PIBF1: variants seen among roughly 807,000 people sequenced by gnomAD.
PIBF1 encodes the protein progesterone immunomodulatory binding factor 1.
A neutral mutation model predicts 112.5 loss-of-function variants in PIBF1; 90 were observed. The observed-to-expected ratio is 0.80, with a 90% CI of 0.67 to 0.95. The LOEUF (loss-of-function observed/expected upper bound fraction) is 0.95. PIBF1 is among the 40% of genes least tolerant of loss of function. The probability of loss-of-function intolerance (pLI) is 0.00; values close to 1 mark genes in which losing one functional copy is unlikely to be tolerated. For synonymous variants in PIBF1, 301 were observed against 288.6 expected (o/e 1.04, Z -0.44); for missense variants, 915 against 852.3 (o/e 1.07, Z -0.92).
At chr13:72,822,562 A>G (rs910164602) in intron 6 of PIBF1, among the ~76,000 whole-genome samples, 3 of 152,210 alleles carry the variant, frequency 2.0e-5, no homozygotes, top group Non-Finnish European at 2.9e-5. Context: ...TAACTGCACT[A>G]TATAAACTAA....
At chr13:72,858,393 A>C (rs929672758) in intron 10 of PIBF1, among the ~76,000 whole-genome samples, 2 of 152,136 alleles carry the variant, frequency 1.3e-5, no homozygotes, top group African/African-American at 4.8e-5. Context: ...CTAGTACGTT[A>C]TCCTGCAGGT....
At chr13:72,996,854 A>C (rs1206229324) in intron 16 of PIBF1, among the ~76,000 whole-genome samples, 1 of 152,182 alleles carries the variant, frequency 6.6e-6, no homozygotes, top group Non-Finnish European at 1.5e-5. Flanking sequence ...AACATAATAA[A>C]ATTGAAAATG....
At chr13:72,955,804 G>T (rs2042429395) in intron 14 of PIBF1, among the ~76,000 whole-genome samples, 1 of 151,778 alleles carries the variant, frequency 6.6e-6, no homozygotes, top group Non-Finnish European at 1.5e-5. Context: ...ACTTTATTTG[G>T]ACTCATTACA....
intron 12 of PIBF1, among the ~76,000 whole-genome samples, 179 bp from the exon 13 acceptor site, chr13:72,916,897 A>G (rs2041119120): frequency 6.6e-6 from 1 of 152,184 alleles, no homozygotes; most frequent in Admixed American, 6.5e-5. Context: ...AATTCAAGCA[A>G]GGATATACTT....
At chr13:72,830,972 C>T (rs749344438) in intron 8 of PIBF1, among the ~76,000 whole-genome samples, 1 of 151,996 alleles carries the variant, frequency 6.6e-6, no homozygotes, top group Non-Finnish European at 1.5e-5. Context: ...TTCAGGGATT[C>T]GACTTCTTCC....
intron 12 of PIBF1, among the ~76,000 whole-genome samples, chr13:72,911,194 C>CA (rs969566601): frequency 5.2e-4 from 78 of 151,300 alleles, no homozygotes; most frequent in African/African-American, 1.7e-3. Flanking sequence ...CTCTCCTCCA[C>CA]AAAAAAAAGA....
chr13:72,975,631 T>C (rs2043002558), intron 16 of PIBF1, among the ~76,000 whole-genome samples: 1 of 152,196 alleles, frequency 6.6e-6, no homozygotes, highest in Admixed American at 6.5e-5. Context: ...GTCCCAGGAC[T>C]AGATTGTAAT....
chr13:72,929,483 G>A (rs1236421986), intron 13 of PIBF1, among the ~76,000 whole-genome samples: 1 of 152,144 alleles, frequency 6.6e-6, no homozygotes, highest in African/African-American at 2.4e-5. Flanking sequence ...AAGTTGGAAT[G>A]TGGGGAGGAT....
intron 14 of PIBF1, among the ~76,000 whole-genome samples, chr13:72,953,411 C>T (rs1314254575): frequency 6.6e-6 from 1 of 152,136 alleles, no homozygotes; most frequent in Admixed American, 6.5e-5. Flanking sequence ...AATCCTGCTA[C>T]TCCTCTGGGT....
At chr13:72,843,685 T>TA (rs1456153770) in intron 9 of PIBF1, among the ~76,000 whole-genome samples, 1 of 152,196 alleles carries the variant, frequency 6.6e-6, no homozygotes, top group African/African-American at 2.4e-5. Context: ...GTGCTGGGGT[T>TA]ACAGGCATGA....
intron 10 of PIBF1, among the ~76,000 whole-genome samples, chr13:72,866,613 T>C (rs1194128495): frequency 6.6e-6 from 1 of 152,104 alleles, no homozygotes; most frequent in East Asian, 1.9e-4. Flanking sequence ...AAGAACATCA[T>C]GACAGTGACA....
intron 12 of PIBF1, among the ~76,000 whole-genome samples, chr13:72,909,080 G>A (rs555083971): frequency 9.9e-4 from 150 of 151,658 alleles, no homozygotes; most frequent in African/African-American, 3.3e-3. Flanking sequence ...AAACTACTTC[G>A]GTATATTTTC....
chr13:72,970,149 T>C (rs1052946016), intron 15 of PIBF1, among the ~76,000 whole-genome samples: 5 of 152,176 alleles, frequency 3.3e-5, no homozygotes, highest in Admixed American at 2.6e-4. Flanking sequence ...ATCAACTATT[T>C]ATACAATATA....
intron 13 of PIBF1, among the ~76,000 whole-genome samples, chr13:72,929,841 A>G (rs2041647099): frequency 6.6e-6 from 1 of 152,084 alleles, no homozygotes. Context: ...GATATATAGA[A>G]TGATATTTAA....
chr13:72,824,282 G>A (rs1190978077), intron 6 of PIBF1, among the ~76,000 whole-genome samples: 1 of 151,346 alleles, frequency 6.6e-6, no homozygotes, highest in Non-Finnish European at 1.5e-5. Context: ...CTCCCAAAGT[G>A]CTGAGATGAC....
chr13:72,891,963 G>A lies in PIBF1; in HGVS notation c.1323-1821G>A, dbSNP rs993900825. On this transcript the variant is annotated intron_variant, in intron 10 of 17. Transcript: ENST00000326291. ...ACATATTATATGATTCCATTAATAC[G>A]AAATGTTCAGAGTAAGCAAACTTTT... Among the ~76,000 whole-genome samples, 6 of 152,032 alleles carry A rather than the reference G, an allele frequency of 3.9e-5. No homozygotes were observed. The East Asian group carries it at 5.8e-4, about 15-fold the overall frequency.
intron 17 of PIBF1, among the ~76,000 whole-genome samples, chr13:73,006,006 G>A (rs987419694): frequency 6.8e-5 from 10 of 146,072 alleles, no homozygotes; most frequent in African/African-American, 2.0e-4. Flanking sequence ...TGCAACCTCC[G>A]TCTCCTGGGT....
chr13:72,850,461 C>T (rs2038087064), intron 9 of PIBF1, among the ~76,000 whole-genome samples: 1 of 152,148 alleles, frequency 6.6e-6, no homozygotes, highest in South Asian at 2.1e-4. Context: ...TTTCACAAGC[C>T]CTGATGTTAG....
At position 72,810,857 on chromosome 13, in the gene PIBF1, AT is replaced by A. The variant is rs34414482; in HGVS notation, c.673-10975del. ...GTCTGAGGTGGAACTAAGAACCTCA[AT>A]TTTTTTTTTTTTTTTTGAGACGGAG... On this transcript the variant is annotated intron_variant, in intron 5 of 17. Transcript: ENST00000326291. Among the ~76,000 whole-genome samples the A allele has an allele frequency of 9.9e-3, 1,404 of 141,724 alleles. 13 individuals carry two copies. The highest frequency in any genetic ancestry group is 0.015 in the Middle Eastern group (4 of 266). 93.0% of individuals were successfully genotyped at this position (141,724 alleles called of 152,430 possible). A position where few individuals can be genotyped will look rare whatever the true frequency, so the allele number is the denominator to read the frequency against.
Sources: gnomAD v4.1 joint callset for allele counts (sites outside exome capture counted in the v4.1 genomes callset) on GRCh38, gnomAD v4.1.1 for gene constraint, MANE v1.5 for transcripts, NCBI Gene and HGNC (gene_info 2026-07-23, HGNC 2026-07-21) for gene names.